The following ZNF732 variants were observed in gnomAD, a reference collection of about 807,000 sequenced individuals.
ZNF732 encodes the protein zinc finger protein LOC654254.
In ZNF732, 12 loss-of-function variants were observed where a neutral mutation model predicts 11.5. The ratio of observed to expected loss-of-function variants is 1.05; its 90% CI spans 0.67 to 1.70. The LOEUF (loss-of-function observed/expected upper bound fraction) is 1.70. Ranked by LOEUF, ZNF732 falls within the 40% of genes most tolerant of loss-of-function variation. The probability of loss-of-function intolerance (pLI) is 0.00; values close to 1 mark genes in which losing one functional copy is unlikely to be tolerated. For synonymous variants in ZNF732, 231 were observed against 236.5 expected (o/e 0.98, Z 0.21); for missense variants, 702 against 676.9 (o/e 1.04, Z -0.41).
intron 3 of ZNF732, among the ~76,000 whole-genome samples, chr4:283,580 T>A (rs978746730): frequency 1.3e-5 from 2 of 150,774 alleles, no homozygotes; most frequent in East Asian, 1.9e-4. Context: ...CAATTAAAAA[T>A]ATATATATAC....
chr4:299,609 T>G (rs1720068977), intron 1 of ZNF732, among the ~76,000 whole-genome samples: 1 of 142,766 alleles, frequency 7.0e-6, no homozygotes, highest in Admixed American at 7.1e-5. Flanking sequence ...TATAAATTAT[T>G]TATATATAAA....
intron 1 of ZNF732, among the ~76,000 whole-genome samples, chr4:304,416 G>A (rs1720182982): frequency 6.6e-6 from 1 of 152,066 alleles, no homozygotes; most frequent in Non-Finnish European, 1.5e-5. Context: ...TCCAGCCCAG[G>A]CTCAGCCATG....
At chr4:298,404 T>C (rs1298972199) in intron 1 of ZNF732, among the ~76,000 whole-genome samples, 1 of 149,526 alleles carries the variant, frequency 6.7e-6, no homozygotes, top group Non-Finnish European at 1.5e-5. Context: ...AGTCTCCGGA[T>C]CTCACTTTTC....
At chr4:282,705 A>G (rs1481307692) in intron 3 of ZNF732, among the ~76,000 whole-genome samples, 2 of 152,186 alleles carry the variant, frequency 1.3e-5, no homozygotes, top group Non-Finnish European at 2.9e-5. Flanking sequence ...CTATGTGGGT[A>G]AAAAAGAAGT....
At chr4:275,972 A>G (rs1719486743) in intron 3 of ZNF732, among the ~76,000 whole-genome samples, 1 of 151,742 alleles carries the variant, frequency 6.6e-6, no homozygotes. Context: ...TATAGTGCAT[A>G]AAATTATTAA....
At position 299,376 on chromosome 4, in the gene ZNF732, T is replaced by TATATACAC. The variant is rs1560165001; in HGVS notation, c.4-3222_4-3221insGTGTATAT. On this transcript the variant is annotated intron_variant, in intron 1 of 3. Transcript: ENST00000419098. ...ACACATATATACACATATGTGTATA[T>TATATACAC]ATATATACACATATGTACACATATG... 2.0e-4 allele frequency among the ~76,000 whole-genome samples: 13 copies of TATATACAC among 63,600 alleles called. 2 individuals carry two copies. The highest frequency in any genetic ancestry group is 5.1e-4 in the East Asian group (1 of 1,962). 41.7% of individuals were successfully genotyped at this position (63,600 alleles called of 152,430 possible). A position where few individuals can be genotyped will look rare whatever the true frequency, so the allele number is the denominator to read the frequency against.
intron 3 of ZNF732, among the ~76,000 whole-genome samples, chr4:283,219 T>C (rs1719652468): frequency 6.6e-6 from 1 of 152,220 alleles, no homozygotes; most frequent in African/African-American, 2.4e-5. Flanking sequence ...GACATGCTCT[T>C]GGACTTCTTG....
At chr4:274,344 T>C (rs534186950) in intron 3 of ZNF732, among the ~76,000 whole-genome samples, 5 of 151,530 alleles carry the variant, frequency 3.3e-5, no homozygotes, top group African/African-American at 1.2e-4. Flanking sequence ...TTAAAGAAAT[T>C]TTATGTAATT....
At chr4:274,483 C>T (rs1358167513) in intron 3 of ZNF732, among the ~76,000 whole-genome samples, 4 of 151,380 alleles carry the variant, frequency 2.6e-5, no homozygotes, top group Non-Finnish European at 5.9e-5. Context: ...ATAAAATAAT[C>T]CAGTAAAACA....
chr4:288,300 T>C (rs1270548879), intron 3 of ZNF732, among the ~76,000 whole-genome samples: 2 of 152,240 alleles, frequency 1.3e-5, no homozygotes, highest in African/African-American at 4.8e-5. Context: ...TTTGATGTTA[T>C]ATGTAAGAAA....
chr4:288,415 T>C (rs1719775568), intron 3 of ZNF732, among the ~76,000 whole-genome samples: 1 of 152,240 alleles, frequency 6.6e-6, no homozygotes. Flanking sequence ...AAGATAGTTT[T>C]TGTACATGGT....
chr4:282,359 TAAATA>T (rs1217090479), intron 3 of ZNF732, among the ~76,000 whole-genome samples: 6 of 152,020 alleles, frequency 3.9e-5, no homozygotes, highest in African/African-American at 1.2e-4. Context: ...AATAAATACA[TAAATA>T]AAATAAAATA....
rs1313628390 is a variant in ZNF732, at chr4:271,010, C to T, written c.*89G>A. ...TCCAAAAGCTTTGCCACATTCTTCA[C>T]ATTTGTATAGTTTATTTCCAGTATA... On this transcript the variant is annotated 3_prime_UTR_variant, in exon 4 of 4. Coordinates refer to ENST00000419098, the MANE Select transcript of ZNF732 (RefSeq NM_001137608.3). 1 of 1,131,588 alleles carries T rather than the reference C, an allele frequency of 8.8e-7. No homozygotes were observed. The allele number at this position is 1,131,588 out of a possible 1,614,324, so 70.1% of individuals were successfully genotyped here.
intron 1 of ZNF732, among the ~76,000 whole-genome samples, chr4:297,238 G>A (rs1047175493): frequency 6.6e-6 from 1 of 151,082 alleles, no homozygotes; most frequent in African/African-American, 2.4e-5. Context: ...ACTGCACTCC[G>A]CCTGGGCGAC....
rs1486527958 is a variant in ZNF732, at chr4:305,439, G to C, written c.-129C>G. The C allele has an allele frequency of 1.5e-6, 2 of 1,370,908 alleles. No homozygotes were observed. Among genetic ancestry groups the C allele is most frequent in the African/African-American group, 1.4e-5 (1 of 69,802 alleles). The allele number at this position is 1,370,908 out of a possible 1,614,324, so 84.9% of individuals were successfully genotyped here. A position where few individuals can be genotyped will look rare whatever the true frequency, so the allele number is the denominator to read the frequency against. ...CCCTGAGGGGTGAAAGCACGGCCGT[G>C]GAGACCCTAACCGAGCTCACGCTGG... On this transcript the variant is annotated 5_prime_UTR_variant, in exon 1 of 4. Transcript: ENST00000419098.
At position 271,958 on chromosome 4, in the gene ZNF732, T is replaced by C. The variant is rs1233288288; in HGVS notation, c.899A>G (p.His300Arg). The C allele has an allele frequency of 1.2e-6, 2 of 1,607,598 alleles. No individual in the cohort carries two copies. The highest frequency in any genetic ancestry group is 2.7e-5 in the African/African-American group (2 of 74,710). Residue 300 changes from histidine (H) to arginine (R), a missense_variant, in exon 4 of 4, where the codon CAT (histidine) becomes CGT (arginine). Physicochemically the swap from His to Arg is conservative, Grantham distance 29. Around this residue, in one of 3 missense-constraint regions of ZNF732, gnomAD observed 596 missense variants for 557.9 expected, o/e 1.07. Transcript: ENST00000419098. Reference sequence around the variant, plus strand: ...ACATTTGTAGAGTTTCTCTCCGGTATGAATTTTCTTATGTTTGGCAACATT... The same window carrying C: ...ACATTTGTAGAGTTTCTCTCCGGTACGAATTTTCTTATGTTTGGCAACATT... ...SSNVAKHKKI[H>R]TGEKLYKCQE... is the part of the protein sequence containing the mutation.
chr4:291,058 G>A (rs146663964), intron 3 of ZNF732, among the ~76,000 whole-genome samples: 1 of 152,214 alleles, frequency 6.6e-6, no homozygotes, highest in African/African-American at 2.4e-5. Flanking sequence ...AAATGTACCA[G>A]AACAATTAGG....
Position 295,488 on chromosome 4 carries a change from C to A in ZNF732, c.176G>T (p.Arg59Ile), listed in dbSNP as rs553834540. The A allele has an allele frequency of 4.3e-6, 7 of 1,612,816 alleles. No individual in the cohort carries two copies. In the South Asian group the frequency reaches 7.7e-5, roughly 18 times the overall value. The change falls in exon 3 of 4, where the codon AGA (arginine) becomes ATA (isoleucine). Residue 59 changes from arginine (R) to isoleucine (I), a missense_variant. Physicochemically the swap from Arg to Ile is moderately conservative, Grantham distance 97. This residue lies in a region of ZNF732 where 596 missense variants were observed against 557.9 expected (regional missense o/e 1.07). Coordinates refer to ENST00000419098, the MANE Select transcript of ZNF732 (RefSeq NM_001137608.3). ...NPDLVIYLEQ[R>I]KEPYKVKIHE... ...TATCTTCACTTTGTAGGGCTCCTTT[C>A]TTTGCTCCAGATAGATGACCAGGTC... is the stretch of plus-strand genomic sequence containing the variant.
intron 3 of ZNF732, among the ~76,000 whole-genome samples, chr4:288,879 A>T (rs116753444): frequency 0.016 from 2,452 of 152,344 alleles, 65 homozygotes; most frequent in African/African-American, 0.056. Flanking sequence ...CAGTGATGTA[A>T]CAGGGTTTTG....
Sources: allele counts gnomAD v4.1 joint callset (sites outside exome capture counted in the v4.1 genomes callset), GRCh38; gene constraint gnomAD v4.1.1; regional missense constraint gnomAD v4.1.1; transcripts MANE v1.5; gene names NCBI Gene and HGNC (gene_info 2026-07-23, HGNC 2026-07-21).